Variants in LY96 observed in about 807,000 individuals in gnomAD.
The protein encoded by LY96 is myeloid differentiation protein-2.
Under a neutral mutation model 18.9 loss-of-function variants are expected in LY96, and 18 were observed. The observed-to-expected ratio is 0.95, with a 90% CI of 0.66 to 1.41. The LOEUF is 1.41. LY96 is among the 40% of genes most tolerant of loss of function. The probability of loss-of-function intolerance (pLI) is 0.00; values close to 1 mark genes in which losing one functional copy is unlikely to be tolerated. For missense variants in LY96, 175 were observed against 182.4 expected, an observed-to-expected ratio of 0.96 and a Z score of 0.23; for synonymous variants, 66 against 62.6, an observed-to-expected ratio of 1.06 and a Z score of -0.26.
At chr8:74,082,324 C>G in the LY96 span, among the ~76,000 whole-genome samples, 16 of 152,232 alleles carry the variant, frequency 1.1e-4, no homozygotes, top group Admixed American at 2.0e-4. Context: ...TGAGCATGTT[C>G]CTAGATTGGA....
At chr8:74,064,842 T>A in the LY96 span, among the ~76,000 whole-genome samples, 1 of 152,222 alleles carries the variant, frequency 6.6e-6, no homozygotes, top group Non-Finnish European at 1.5e-5. Flanking sequence ...CACAGTGTAA[T>A]AACACTAATA....
chr8:74,041,154 C>T, the LY96 span, among the ~76,000 whole-genome samples: 2 of 152,120 alleles, frequency 1.3e-5, no homozygotes, highest in Non-Finnish European at 1.5e-5. Context: ...ATTTCTTATG[C>T]CTGTCTTTAT....
intron 3 of LY96, among the ~76,000 whole-genome samples, chr8:74,017,547 G>T (rs1268397700): frequency 6.6e-6 from 1 of 152,130 alleles, no homozygotes; most frequent in Admixed American, 6.6e-5. Flanking sequence ...AGGAAATACA[G>T]AGAACACCAC....
At position 74,014,518 on chromosome 8, in the gene LY96, T is replaced by C. The variant is rs1816602352; in HGVS notation, c.331+4389T>C. 2.1e-5 allele frequency among the ~76,000 whole-genome samples: 3 copies of C among 143,640 alleles called. No homozygotes were observed. In the South Asian group the frequency reaches 6.5e-4, roughly 31 times the overall value. The allele number at this position is 143,640 out of a possible 152,430, so 94.2% of individuals were successfully genotyped here. A position where few individuals can be genotyped will look rare whatever the true frequency, so the allele number is the denominator to read the frequency against. Reference sequence around the variant, plus strand: ...TTTTTTTTTTTAAAGGGAAACATAATGAGTTCTGGCTTGGGCATGTTAAGC... The same window carrying C: ...TTTTTTTTTTTAAAGGGAAACATAACGAGTTCTGGCTTGGGCATGTTAAGC... On this transcript the variant is annotated intron_variant, in intron 3 of 4. Transcript: ENST00000284818.
intron 4 of LY96, among the ~76,000 whole-genome samples, chr8:74,027,047 C>T (rs971666189): frequency 3.3e-5 from 5 of 151,656 alleles, no homozygotes; most frequent in African/African-American, 1.2e-4. Context: ...CCAAGCAATC[C>T]TCCTGCCTTA....
chr8:74,061,866 T>A, the LY96 span, among the ~76,000 whole-genome samples: 1 of 152,232 alleles, frequency 6.6e-6, no homozygotes, highest in African/African-American at 2.4e-5. Flanking sequence ...ACAGAGCAAT[T>A]CCTAGGGGAA....
At chr8:74,062,382 T>C in the LY96 span, among the ~76,000 whole-genome samples, 1 of 152,146 alleles carries the variant, frequency 6.6e-6, no homozygotes, top group African/African-American at 2.4e-5. Context: ...TTTTTCCTAA[T>C]GCTCTCCCTC....
At chr8:74,007,976 T>C (rs1275547576) in intron 2 of LY96, among the ~76,000 whole-genome samples, 1 of 152,192 alleles carries the variant, frequency 6.6e-6, no homozygotes, top group East Asian at 1.9e-4. Flanking sequence ...GCCAGGATGG[T>C]CTCGAACTCC....
the LY96 span, among the ~76,000 whole-genome samples, chr8:74,074,102 A>G: frequency 6.6e-6 from 1 of 152,146 alleles, no homozygotes; most frequent in Non-Finnish European, 1.5e-5. Flanking sequence ...GGTTCAAGTG[A>G]TTCTCCTGCC....
intron 1 of LY96, among the ~76,000 whole-genome samples, chr8:73,994,147 G>A (rs566781672): frequency 6.6e-6 from 1 of 152,192 alleles, no homozygotes; most frequent in South Asian, 2.1e-4. Flanking sequence ...ACCATGCCTG[G>A]CTAATTTGAT....
chr8:74,076,383 G>A, the LY96 span, among the ~76,000 whole-genome samples: 1 of 151,678 alleles, frequency 6.6e-6, no homozygotes, highest in African/African-American at 2.4e-5. Context: ...GAGTGCAATG[G>A]TGCAATCTTG....
At chr8:74,001,970 CCTTCCT>C (rs1816281680) in intron 1 of LY96, among the ~76,000 whole-genome samples, 4 of 138,890 alleles carry the variant, frequency 2.9e-5, no homozygotes, top group African/African-American at 5.6e-5. Context: ...TTCCTTCCTT[CCTTCCT>C]TCCCTCCCTC....
At chr8:74,007,561 T>G (rs1816440275) in intron 2 of LY96, among the ~76,000 whole-genome samples, 1 of 152,150 alleles carries the variant, frequency 6.6e-6, no homozygotes, top group Non-Finnish European at 1.5e-5. Flanking sequence ...AGTACAAACT[T>G]GAACCAAAAA....
chr8:74,007,888 T>C (rs537873512), intron 2 of LY96, among the ~76,000 whole-genome samples: 2 of 152,328 alleles, frequency 1.3e-5, no homozygotes, highest in African/African-American at 2.4e-5. Flanking sequence ...GCACCCCTGG[T>C]AGCTGGGATT....
intron 3 of LY96, among the ~76,000 whole-genome samples, chr8:74,021,987 G>A (rs1471904535): frequency 2.6e-5 from 4 of 152,004 alleles, no homozygotes; most frequent in South Asian, 2.1e-4. Flanking sequence ...TAATTAATTG[G>A]TGCAGCAAAC....
the LY96 span, among the ~76,000 whole-genome samples, chr8:74,040,099 A>G: frequency 6.6e-6 from 1 of 152,162 alleles, no homozygotes; most frequent in African/African-American, 2.4e-5. Flanking sequence ...ACTTCTCACA[A>G]TGTCCCTTCA....
chr8:74,094,748 GA>G, the LY96 span, among the ~76,000 whole-genome samples: 1 of 152,110 alleles, frequency 6.6e-6, no homozygotes, highest in African/African-American at 2.4e-5. Flanking sequence ...TTTAACTAGG[GA>G]AAAAAGCAAT....
Position 74,004,916 on chromosome 8 carries a change from A to G in LY96, c.202+31A>G, listed in dbSNP as rs201887556. 23 of 1,568,428 alleles carry G rather than the reference A, an allele frequency of 1.5e-5. 1 individual carries two copies. The African/African-American group carries it at 2.4e-4, about 17-fold the overall frequency. ...TTCAAATTTTTGCTTTTATAGACCA[A>G]TCAAAGGAGTTAAGAAATATCAGTG... On this transcript the variant is annotated intron_variant, in intron 2 of 4. Transcript: ENST00000284818.
At chr8:74,062,646 T>C in the LY96 span, among the ~76,000 whole-genome samples, 1 of 152,240 alleles carries the variant, frequency 6.6e-6, no homozygotes, top group Non-Finnish European at 1.5e-5. Flanking sequence ...AGTCTGTTGT[T>C]GATGGGCGTT....
Sources: allele counts gnomAD v4.1 joint callset (sites outside exome capture counted in the v4.1 genomes callset), GRCh38; gene constraint gnomAD v4.1.1; transcripts MANE v1.5; gene names NCBI Gene and HGNC (gene_info 2026-07-23, HGNC 2026-07-21).